The following RNF38 variants were observed in gnomAD, a reference collection of about 807,000 sequenced individuals.
RNF38 encodes E3 ubiquitin-protein ligase RNF38.
Under a neutral mutation model 67.2 loss-of-function variants are expected in RNF38, and 15 were observed. The ratio of observed to expected loss-of-function variants is 0.22; its 90% CI spans 0.15 to 0.34. RNF38 has a LOEUF of 0.34. Ranked by LOEUF, RNF38 falls within the 10% of genes least tolerant of loss-of-function variation. The probability of loss-of-function intolerance (pLI) is 1.00; values close to 1 mark genes in which losing one functional copy is unlikely to be tolerated. For synonymous variants in RNF38, 220 were observed against 218.8 expected (o/e 1.01, Z -0.05); for missense variants, 524 against 639.9 (o/e 0.82, Z 1.95).
intron 4 of RNF38, among the ~76,000 whole-genome samples, chr9:36,365,662 G>GTTTTTTTTTTTTTTTTTTTTT (rs759974775): frequency 9.7e-6 from 1 of 103,600 alleles, no homozygotes; most frequent in African/African-American, 3.9e-5. Flanking sequence ...AAGACTGATA[G>GTTTTTTTTTTTTTTTTTTTTT]TTTTTTTTTT....
At chr9:36,411,277 G>A (rs1433411453) in intron 2 of RNF38, among the ~76,000 whole-genome samples, 13 of 152,086 alleles carry the variant, frequency 8.5e-5, no homozygotes, top group Admixed American at 7.9e-4. Context: ...ACAAGTGTTG[G>A]CGAGGATTTG....
chr9:36,417,475 G>C (rs1413631096), intron 2 of RNF38, among the ~76,000 whole-genome samples: 1 of 152,076 alleles, frequency 6.6e-6, no homozygotes, highest in African/African-American at 2.4e-5. Flanking sequence ...TTACCTAAAA[G>C]TACCAATAAT....
chr9:36,342,550 C>A, intron 10 of RNF38, 126 bp from the exon 11 acceptor site: 1 of 659,364 alleles, frequency 1.5e-6, no homozygotes, highest in South Asian at 1.9e-5. Flanking sequence ...ACAAAATTAT[C>A]AACCAATACC....
chr9:36,371,220 C>T (rs1038015645), intron 3 of RNF38, among the ~76,000 whole-genome samples: 1 of 152,166 alleles, frequency 6.6e-6, no homozygotes, highest in African/African-American at 2.4e-5. Context: ...TCCTCTAAAT[C>T]TGTTTCTTCT....
intron 1 of RNF38, among the ~76,000 whole-genome samples, chr9:36,482,196 G>A (rs1208592897): frequency 6.6e-6 from 1 of 151,538 alleles, no homozygotes; most frequent in Admixed American, 6.6e-5. Flanking sequence ...TGGGATTATA[G>A]GCATGTGCCA....
intron 1 of RNF38, among the ~76,000 whole-genome samples, chr9:36,466,734 T>C (rs1839869283): frequency 6.6e-6 from 1 of 152,158 alleles, no homozygotes; most frequent in African/African-American, 2.4e-5. Context: ...TACATGAATA[T>C]ACACATATCC....
At chr9:36,382,269 A>G (rs1034771420) in intron 2 of RNF38, among the ~76,000 whole-genome samples, 2 of 152,226 alleles carry the variant, frequency 1.3e-5, no homozygotes, top group Non-Finnish European at 2.9e-5. Flanking sequence ...TACAGTATAG[A>G]ACACTGCTAC....
chr9:36,420,271 G>A (rs981323945), intron 2 of RNF38, among the ~76,000 whole-genome samples: 1 of 151,972 alleles, frequency 6.6e-6, no homozygotes, highest in Admixed American at 6.6e-5. Flanking sequence ...GGTGGCTCAC[G>A]CCTGTAATCC....
At chr9:36,419,558 AT>A (rs1838564498) in intron 2 of RNF38, among the ~76,000 whole-genome samples, 1 of 152,220 alleles carries the variant, frequency 6.6e-6, no homozygotes, top group Non-Finnish European at 1.5e-5. Context: ...ATTCTTCAAT[AT>A]TTTATCTCAT....
intron 1 of RNF38, among the ~76,000 whole-genome samples, chr9:36,393,475 CA>C (rs1422253197): frequency 0.035 from 3,926 of 112,014 alleles, 53 homozygotes; most frequent in Admixed American, 0.055. Flanking sequence ...CACACACACA[CA>C]TTGTGTGTGT....
chr9:36,445,891 G>A (rs1839289694), intron 1 of RNF38, among the ~76,000 whole-genome samples: 1 of 152,248 alleles, frequency 6.6e-6, no homozygotes, highest in Middle Eastern at 3.4e-3. Flanking sequence ...CAACTATCAG[G>A]CTCAAACGAT....
At chr9:36,469,855 G>C (rs1252499306) in intron 1 of RNF38, among the ~76,000 whole-genome samples, 1 of 152,110 alleles carries the variant, frequency 6.6e-6, no homozygotes, top group East Asian at 1.9e-4. Context: ...GCACCCACCT[G>C]TAGTCCCAGC....
At chr9:36,422,494 T>G (rs1231135100) in intron 2 of RNF38, among the ~76,000 whole-genome samples, 1 of 152,198 alleles carries the variant, frequency 6.6e-6, no homozygotes, top group Non-Finnish European at 1.5e-5. Flanking sequence ...TCCACTTCAC[T>G]TATTGTAAAA....
chr9:36,469,778 C>A (rs925702733), intron 1 of RNF38, among the ~76,000 whole-genome samples: 1 of 152,160 alleles, frequency 6.6e-6, no homozygotes, highest in Non-Finnish European at 1.5e-5. Flanking sequence ...GAGTTTGAGA[C>A]CAGCCTGGCC....
chr9:36,476,724 C>T (rs1840129798), intron 1 of RNF38, among the ~76,000 whole-genome samples: 1 of 151,704 alleles, frequency 6.6e-6, no homozygotes, highest in African/African-American at 2.4e-5. Context: ...AACCGGATTT[C>T]ACCATGTTGG....
rs781612515 is a variant in RNF38, at chr9:36,390,449, G to T, written c.162+18C>A. 6.2e-7 allele frequency: 1 copy of T among 1,605,878 alleles called. No homozygotes were observed. Among genetic ancestry groups the T allele is most frequent in the South Asian group, 1.1e-5 (1 of 89,906 alleles). The stretch of plus-strand genomic sequence containing the variant: ...TGACTTTCAGCCCTATGTAGGGAAA[G>T]GGTAAATATATAAGAACCTGGAAGA... On this transcript the variant is annotated intron_variant, in intron 2 of 11. Transcript: ENST00000259605.
intron 2 of RNF38, among the ~76,000 whole-genome samples, chr9:36,415,387 T>C (rs1423031730): frequency 6.6e-6 from 1 of 152,218 alleles, no homozygotes; most frequent in Non-Finnish European, 1.5e-5. Flanking sequence ...GTTTTATTGA[T>C]TTTATTTCTC....
At chr9:36,393,453 GTAAAA>G (rs1837264036) in intron 1 of RNF38, among the ~76,000 whole-genome samples, 1 of 134,524 alleles carries the variant, frequency 7.4e-6, no homozygotes, top group African/African-American at 2.7e-5. Flanking sequence ...TTACTACTAG[GTAAAA>G]TAAAATCACA....
At chr9:36,350,995 C>T in intron 9 of RNF38, 120 bp downstream of exon 9, 1 of 699,090 alleles carries the variant, frequency 1.4e-6, no homozygotes, top group Non-Finnish European at 2.5e-6. Flanking sequence ...CACAGTAATT[C>T]TTCTTCCAAT....
Sources: allele counts gnomAD v4.1 joint callset (sites outside exome capture counted in the v4.1 genomes callset), GRCh38; gene constraint gnomAD v4.1.1; transcripts MANE v1.5; gene names NCBI Gene and HGNC (gene_info 2026-07-23, HGNC 2026-07-21).